PLXNA4: variants seen among roughly 807,000 people sequenced by gnomAD.
PLXNA4 encodes plexin A4, also known as plexin-A4.
A neutral mutation model predicts 191.8 loss-of-function variants in PLXNA4; 44 were observed. That is an observed-to-expected ratio of 0.23 (90% CI 0.18 to 0.29). The LOEUF (loss-of-function observed/expected upper bound fraction) is 0.29. Ranked by LOEUF, PLXNA4 falls within the 10% of genes least tolerant of loss-of-function variation. The pLI, the probability that PLXNA4 is intolerant of heterozygous loss-of-function variation, is 1.00. For synonymous variants in PLXNA4, 1,082 were observed against 1,009.5 expected (o/e 1.07, Z -1.36); for missense variants, 1,800 against 2,488.8 (o/e 0.72, Z 5.89).
chr7:132,590,587 C>T (rs1178641621), intron 2 of PLXNA4, among the ~76,000 whole-genome samples: 2 of 152,130 alleles, frequency 1.3e-5, no homozygotes, highest in Non-Finnish European at 2.9e-5. Context: ...GCATCCAGCA[C>T]AGGAGAAAGA....
intron 3 of PLXNA4, among the ~76,000 whole-genome samples, chr7:132,332,539 G>A (rs112567376): frequency 6.6e-6 from 1 of 152,124 alleles, no homozygotes; most frequent in Non-Finnish European, 1.5e-5. Flanking sequence ...TCCCTCACTG[G>A]GAGAATTTAT....
chr7:132,199,199 C>T (rs1415286407), intron 12 of PLXNA4, among the ~76,000 whole-genome samples: 5 of 152,166 alleles, frequency 3.3e-5, no homozygotes, highest in Non-Finnish European at 2.9e-5. Flanking sequence ...CCTCCTCCTC[C>T]GATCCTGAGT....
At chr7:132,554,997 T>G (rs1800725219) in intron 1 of PLXNA4, among the ~76,000 whole-genome samples, 1 of 138,478 alleles carries the variant, frequency 7.2e-6, no homozygotes, top group Non-Finnish European at 1.5e-5. Context: ...GAGTCTCCTA[T>G]CTGCTCTCCC....
intron 3 of PLXNA4, among the ~76,000 whole-genome samples, chr7:132,445,617 G>T (rs1011476291): frequency 2.0e-4 from 30 of 151,990 alleles, no homozygotes; most frequent in African/African-American, 7.3e-4. Context: ...CATTTTTCAC[G>T]CCAAAATTCT....
chr7:132,325,048 G>A (rs539118542), intron 3 of PLXNA4, among the ~76,000 whole-genome samples: 6 of 152,226 alleles, frequency 3.9e-5, no homozygotes, highest in Admixed American at 6.5e-5. Flanking sequence ...CTCCTGTAAC[G>A]CATCAGACAC....
At chr7:132,503,087 C>T (rs1217348089) in intron 2 of PLXNA4, among the ~76,000 whole-genome samples, 2 of 152,198 alleles carry the variant, frequency 1.3e-5, no homozygotes, top group African/African-American at 4.8e-5. Flanking sequence ...ATCTGACTCC[C>T]ATACCCATGG....
chr7:132,562,346 TCTC>T (rs1563173932), intron 1 of PLXNA4, among the ~76,000 whole-genome samples: 1 of 95,760 alleles, frequency 1.0e-5, no homozygotes, highest in East Asian at 3.6e-4. Context: ...TCCTCCTTCT[TCTC>T]CTTCCTCCTC....
At chr7:132,643,762 A>G (rs189495015) in intron 2 of PLXNA4, among the ~76,000 whole-genome samples, 105 of 152,278 alleles carry the variant, frequency 6.9e-4, no homozygotes, top group Middle Eastern at 3.4e-3. Flanking sequence ...CAGTCTCAGC[A>G]ACACAGCAAG....
chr7:132,357,363 G>A (rs955742263), intron 3 of PLXNA4, among the ~76,000 whole-genome samples: 2 of 152,106 alleles, frequency 1.3e-5, no homozygotes, highest in African/African-American at 4.8e-5. Flanking sequence ...TTCCTAATCC[G>A]CCTCAGCAAA....
At chr7:132,186,691 A>G (rs1290456261) in intron 15 of PLXNA4, among the ~76,000 whole-genome samples, 1 of 152,228 alleles carries the variant, frequency 6.6e-6, no homozygotes, top group Non-Finnish European at 1.5e-5. Context: ...AGTCTGACCT[A>G]ACGGACCCTA....
chr7:132,176,357 T>C (rs1369643784), intron 20 of PLXNA4, among the ~76,000 whole-genome samples: 1 of 152,250 alleles, frequency 6.6e-6, no homozygotes, highest in Non-Finnish European at 1.5e-5. Flanking sequence ...CCAATGTGTG[T>C]GTGCATGTGT....
At chr7:132,191,419 G>C (rs1184070689) in intron 14 of PLXNA4, among the ~76,000 whole-genome samples, 6 of 152,174 alleles carry the variant, frequency 3.9e-5, no homozygotes, top group Non-Finnish European at 8.8e-5. Flanking sequence ...TGACAGCCTG[G>C]GTGGGCCAAG....
intron 12 of PLXNA4, among the ~76,000 whole-genome samples, chr7:132,200,368 C>T (rs557983082): frequency 9.3e-4 from 142 of 152,152 alleles, no homozygotes; most frequent in Middle Eastern, 6.8e-3. Flanking sequence ...TGAAGGTGAG[C>T]GGTGGGGACT....
At position 132,275,768 on chromosome 7, in the gene PLXNA4, G is replaced by C. The variant is rs1800253148; in HGVS notation, c.1503+22323C>G. Among the ~76,000 whole-genome samples, 3 of 152,200 alleles carry C rather than the reference G, an allele frequency of 2.0e-5. No homozygotes were observed. In the South Asian group the frequency reaches 6.2e-4, roughly 32 times the overall value. On this transcript the variant is annotated intron_variant, in intron 4 of 31. Coordinates refer to ENST00000321063, the MANE Select transcript of PLXNA4 (RefSeq NM_020911.2). The stretch of plus-strand genomic sequence containing the variant: ...CTCTAGCTCTACTGGAGTGATTCCA[G>C]GGTTGTCACCCCCATGCATGTGACA...
chr7:132,446,230 C>T (rs1184779043), intron 3 of PLXNA4, among the ~76,000 whole-genome samples: 2 of 152,168 alleles, frequency 1.3e-5, no homozygotes, highest in Admixed American at 1.3e-4. Flanking sequence ...CACTTCATCC[C>T]CACTAGTAAA....
chr7:132,203,082 C>T (rs73155278), intron 11 of PLXNA4, among the ~76,000 whole-genome samples: 10,106 of 152,232 alleles, frequency 0.066, 517 homozygotes, highest in Admixed American at 0.17. Flanking sequence ...CCCAGGAAGT[C>T]CTCTGCACAC....
chr7:132,564,131 T>TG (rs1563177559), intron 1 of PLXNA4, among the ~76,000 whole-genome samples: 7 of 68,574 alleles, frequency 1.0e-4, no homozygotes, highest in African/African-American at 4.6e-4. Context: ...TTCTTTCTCC[T>TG]CCTCCTTCTC....
intron 25 of PLXNA4, among the ~76,000 whole-genome samples, chr7:132,155,735 G>A (rs1032888983): frequency 6.6e-6 from 1 of 152,190 alleles, no homozygotes; most frequent in Non-Finnish European, 1.5e-5. Context: ...CAGTGAAGGT[G>A]GGCCCTGCGG....
At chr7:132,525,016 G>A (rs1020796494) in intron 1 of PLXNA4, among the ~76,000 whole-genome samples, 1 of 152,102 alleles carries the variant, frequency 6.6e-6, no homozygotes, top group Non-Finnish European at 1.5e-5. Context: ...CTGCCATCCA[G>A]AGCCATTTCA....
Sources: allele counts gnomAD v4.1 joint callset (sites outside exome capture counted in the v4.1 genomes callset), GRCh38; gene constraint gnomAD v4.1.1; transcripts MANE v1.5; gene names NCBI Gene and HGNC (gene_info 2026-07-23, HGNC 2026-07-21).